TMTC2: variants seen among roughly 807,000 people sequenced by gnomAD.
TMTC2 encodes protein O-mannosyl-transferase TMTC2.
A neutral mutation model predicts 82.4 loss-of-function variants in TMTC2; 43 were observed. That is an observed-to-expected ratio of 0.52 (90% CI 0.41 to 0.67). The LOEUF is 0.67. TMTC2 is among the 30% of genes least tolerant of loss of function. The probability of loss-of-function intolerance (pLI) is 0.00; values close to 1 mark genes in which losing one functional copy is unlikely to be tolerated. For synonymous variants in TMTC2, 408 were observed against 381.9 expected (o/e 1.07, Z -0.80); for missense variants, 919 against 1,012.4 (o/e 0.91, Z 1.25).
At chr12:83,023,645 G>T (rs539888406) in intron 8 of TMTC2, among the ~76,000 whole-genome samples, 1 of 152,336 alleles carries the variant, frequency 6.6e-6, no homozygotes, top group Non-Finnish European at 1.5e-5. Flanking sequence ...TGCTCAGGAT[G>T]ACAGTTCTGG....
intron 1 of TMTC2, among the ~76,000 whole-genome samples, chr12:82,784,948 T>C (rs1317534144): frequency 6.6e-6 from 1 of 152,040 alleles, no homozygotes; most frequent in Admixed American, 6.6e-5. Context: ...TTTCAGAAAA[T>C]AGCTTAGTTT....
chr12:82,726,677 G>A (rs1166030118), intron 1 of TMTC2, among the ~76,000 whole-genome samples: 3 of 152,018 alleles, frequency 2.0e-5, no homozygotes, highest in Non-Finnish European at 2.9e-5. Context: ...TCAAGAGATA[G>A]AGACCATCCT....
intron 1 of TMTC2, among the ~76,000 whole-genome samples, chr12:82,690,716 T>C (rs555998106): frequency 2.6e-4 from 40 of 152,302 alleles, no homozygotes; most frequent in Admixed American, 3.9e-4. Context: ...TCCCCTTGCT[T>C]TCAATCTAGT....
At position 82,876,066 on chromosome 12, in the gene TMTC2, GTGATGA is replaced by G. The variant is rs140966539; in HGVS notation, c.654+18495_654+18500del. Among the ~76,000 whole-genome samples, 722 of 101,014 alleles carry G rather than the reference GTGATGA, an allele frequency of 7.1e-3. 17 individuals carry two copies. The highest frequency in any genetic ancestry group is 0.015 in the East Asian group (63 of 4,206). The allele number at this position is 101,014 out of a possible 152,430, so 66.3% of individuals were successfully genotyped here. The stretch of plus-strand genomic sequence containing the variant: ...GGTGGTGGTGGTGGTGGTGGTGGTG[GTGATGA>G]TGATGATGGTGATTAGTATTCATAA... On this transcript the variant is annotated intron_variant, in intron 2 of 11. Coordinates refer to ENST00000321196, the MANE Select transcript of TMTC2 (RefSeq NM_152588.3).
intron 7 of TMTC2, among the ~76,000 whole-genome samples, chr12:82,983,210 CATT>C (rs1255277895): frequency 1.3e-5 from 2 of 151,954 alleles, no homozygotes; most frequent in Non-Finnish European, 2.9e-5. Flanking sequence ...TCATAGTCAT[CATT>C]GTTATTATTA....
At chr12:83,023,739 T>C (rs560613055) in intron 8 of TMTC2, among the ~76,000 whole-genome samples, 1 of 152,358 alleles carries the variant, frequency 6.6e-6, no homozygotes, top group South Asian at 2.1e-4. Flanking sequence ...CTGGATGTTG[T>C]CCTTGAACAG....
At chr12:82,876,187 T>TG (rs1872568666) in intron 2 of TMTC2, among the ~76,000 whole-genome samples, 1 of 129,076 alleles carries the variant, frequency 7.7e-6, no homozygotes, top group African/African-American at 4.3e-5. Flanking sequence ...CGGGTGGTAG[T>TG]GTGTTTCTCA....
Position 82,857,080 on chromosome 12 carries a change from TG to T in TMTC2, c.159del (p.Thr54LeufsTer3). The T allele has an allele frequency of 6.2e-7, 1 of 1,613,794 alleles. No homozygotes were observed. The highest frequency in any genetic ancestry group is 8.5e-7 in the Non-Finnish European group (1 of 1,180,022). On this transcript the variant is annotated frameshift_variant, in exon 2 of 12. Transcript: ENST00000321196. LOFTEE classifies it high-confidence loss of function. The part of the protein sequence containing the change: ...PWTHIFYNDF[W>X]GTLLTHSGSH... ...GACGCACATTTTCTACAATGATTTTTGGGGGACTCTTCTAACCCACAGTGGC... is the reference window on the plus strand; with the variant it reads ...GACGCACATTTTCTACAATGATTTTTGGGGACTCTTCTAACCCACAGTGGC...
intron 3 of TMTC2, among the ~76,000 whole-genome samples, chr12:82,925,208 CTT>C (rs1384711978): frequency 1.3e-5 from 2 of 152,144 alleles, no homozygotes; most frequent in African/African-American, 2.4e-5. Context: ...ATTTATAACA[CTT>C]ATCACTATCT....
chr12:82,745,799 G>A (rs185125947), intron 1 of TMTC2, among the ~76,000 whole-genome samples: 1 of 152,314 alleles, frequency 6.6e-6, no homozygotes, highest in Admixed American at 6.5e-5. Flanking sequence ...ATTTGAATTG[G>A]TATTAATGTG....
chr12:82,920,649 A>G (rs1201470355), intron 3 of TMTC2, among the ~76,000 whole-genome samples: 3 of 152,154 alleles, frequency 2.0e-5, no homozygotes, highest in Non-Finnish European at 4.4e-5. Flanking sequence ...TTTTTAGCAG[A>G]AGAATTTCTT....
At chr12:82,710,404 C>G (rs1392928667) in intron 1 of TMTC2, among the ~76,000 whole-genome samples, 1 of 152,186 alleles carries the variant, frequency 6.6e-6, no homozygotes, top group Non-Finnish European at 1.5e-5. Context: ...AGTTGTTTCT[C>G]TTTAGATCTG....
At chr12:83,069,583 C>G (rs1345385511) in intron 11 of TMTC2, among the ~76,000 whole-genome samples, 7 of 152,100 alleles carry the variant, frequency 4.6e-5, no homozygotes, top group African/African-American at 7.2e-5. Context: ...GTTGTAGATT[C>G]TGGATATTAG....
intron 1 of TMTC2, among the ~76,000 whole-genome samples, chr12:82,802,850 C>T (rs1312088119): frequency 6.6e-6 from 1 of 152,060 alleles, no homozygotes; most frequent in Non-Finnish European, 1.5e-5. Context: ...GAAGAAAAGG[C>T]TAGTCTGGTA....
chr12:82,910,268 T>C (rs945594645), intron 3 of TMTC2, among the ~76,000 whole-genome samples: 1 of 152,192 alleles, frequency 6.6e-6, no homozygotes, highest in African/African-American at 2.4e-5. Context: ...GGCATTAAAT[T>C]AGAAATCTTA....
intron 8 of TMTC2, chr12:82,986,652 A>G (rs1331990396): frequency 1.3e-5 from 2 of 152,684 alleles, no homozygotes; most frequent in African/African-American, 4.8e-5. Flanking sequence ...CCTTCTAATT[A>G]AAATCATTCT....
intron 1 of TMTC2, among the ~76,000 whole-genome samples, chr12:82,805,713 G>A (rs969656772): frequency 1.3e-5 from 2 of 151,706 alleles, no homozygotes; most frequent in Non-Finnish European, 2.9e-5. Context: ...CACCCTGTTA[G>A]CCAGGATGGT....
At chr12:82,802,849 G>A (rs562282939) in intron 1 of TMTC2, among the ~76,000 whole-genome samples, 1 of 152,238 alleles carries the variant, frequency 6.6e-6, no homozygotes, top group East Asian at 1.9e-4. Context: ...AGAAGAAAAG[G>A]CTAGTCTGGT....
At position 82,917,702 on chromosome 12, in the gene TMTC2, T is replaced by C. The variant is rs147921508; in HGVS notation, c.1484-12729T>C. On this transcript the variant is annotated intron_variant, in intron 3 of 11. Coordinates refer to ENST00000321196, the MANE Select transcript of TMTC2 (RefSeq NM_152588.3). ...CTGCAAGCTCCGCCTCCAGGGTTCA[T>C]GCCATTCTCCTGCCTCAGCCTCCCC... Among the ~76,000 whole-genome samples the C allele has an allele frequency of 3.1e-3, 467 of 150,540 alleles. 4 individuals are homozygous for C. The highest frequency in any genetic ancestry group is 0.01 in the African/African-American group (419 of 40,876).
Sources: gnomAD v4.1 joint callset for allele counts (sites outside exome capture counted in the v4.1 genomes callset) on GRCh38, gnomAD v4.1.1 for gene constraint, MANE v1.5 for transcripts, NCBI Gene and HGNC (gene_info 2026-07-23, HGNC 2026-07-21) for gene names.